CACNA1C: variants seen among roughly 807,000 people sequenced by gnomAD.
The protein encoded by CACNA1C is calcium voltage-gated channel subunit alpha1 C.
A neutral mutation model predicts 229.0 loss-of-function variants in CACNA1C; 30 were observed. The observed-to-expected ratio is 0.13, with a 90% CI of 0.10 to 0.18. The LOEUF (loss-of-function observed/expected upper bound fraction) is 0.18, where lower values mean the gene tolerates loss of function less well. Ranked by LOEUF, CACNA1C falls within the 10% of genes least tolerant of loss-of-function variation. The probability of loss-of-function intolerance (pLI) is 1.00; values close to 1 mark genes in which losing one functional copy is unlikely to be tolerated. For missense variants in CACNA1C, 1,658 were observed against 2,845.0 expected (o/e 0.58, Z 9.49); for synonymous variants, 1,114 against 1,132.5 (o/e 0.98, Z 0.33).
chr12:2,545,477 G>A (rs915011453), intron 9 of CACNA1C, among the ~76,000 whole-genome samples: 1 of 152,038 alleles, frequency 6.6e-6, no homozygotes, highest in Non-Finnish European at 1.5e-5. Flanking sequence ...CCACTGTGCC[G>A]TACGTTCGTT....
In CACNA1C at chr12:2,411,695, A is replaced by G. The variant is rs553385603; in HGVS notation, c.478-37281A>G. Among the ~76,000 whole-genome samples the G allele has an allele frequency of 9.2e-5, 14 of 152,244 alleles. 1 individual carries two copies. In the East Asian group the frequency reaches 2.5e-3, roughly 27 times the overall value. On this transcript the variant is annotated intron_variant, in intron 3 of 46. Transcript: ENST00000399655. Reference sequence around the variant, plus strand: ...AGGTTTCCAGGGCTTGCTGAAGGGAATCCAATAAGAAGAAGATTTCAGATC... The same window carrying G: ...AGGTTTCCAGGGCTTGCTGAAGGGAGTCCAATAAGAAGAAGATTTCAGATC...
intron 5 of CACNA1C, among the ~76,000 whole-genome samples, chr12:2,484,607 C>T (rs560662477): frequency 4.6e-5 from 7 of 152,210 alleles, no homozygotes; most frequent in African/African-American, 1.4e-4. Flanking sequence ...CCATTGGAGG[C>T]GGTGGCACTG....
intron 10 of CACNA1C, among the ~76,000 whole-genome samples, chr12:2,555,846 T>C (rs1275447722): frequency 2.0e-5 from 3 of 152,190 alleles, no homozygotes; most frequent in Non-Finnish European, 4.4e-5. Context: ...GGCGTTTTCT[T>C]GCTCTGCGAC....
chr12:2,547,966 G>A (rs1229072176), intron 9 of CACNA1C, among the ~76,000 whole-genome samples: 1 of 152,134 alleles, frequency 6.6e-6, no homozygotes, highest in African/African-American at 2.4e-5. Context: ...CACACATAAG[G>A]CTCTGGGAAC....
chr12:2,683,495 A>G (rs4765970), intron 43 of CACNA1C, among the ~76,000 whole-genome samples: 22,650 of 152,192 alleles, frequency 0.15, 3,215 homozygotes, highest in African/African-American at 0.37. Flanking sequence ...TACTGTATAC[A>G]TGACTCACAA....
chr12:2,140,390 G>A (rs984886028), intron 3 of CACNA1C, among the ~76,000 whole-genome samples: 4 of 151,400 alleles, frequency 2.6e-5, no homozygotes, highest in African/African-American at 9.7e-5. Context: ...GAAGGCACTC[G>A]ATGAGTATTT....
At chr12:2,031,868 GGA>G (rs1272847284) in intron 1 of CACNA1C, among the ~76,000 whole-genome samples, 1 of 152,190 alleles carries the variant, frequency 6.6e-6, no homozygotes, top group East Asian at 1.9e-4. Flanking sequence ...CAGGATCTCA[GGA>G]GAGAGAGGGC....
chr12:2,128,794 A>G (rs1409719537), intron 3 of CACNA1C, among the ~76,000 whole-genome samples: 1 of 152,246 alleles, frequency 6.6e-6, no homozygotes, highest in Non-Finnish European at 1.5e-5. Flanking sequence ...CCATGTGCAG[A>G]TGCTGTCCTA....
intron 29 of CACNA1C, among the ~76,000 whole-genome samples, chr12:2,622,215 G>A (rs1287786908): frequency 7.2e-5 from 11 of 152,108 alleles, no homozygotes; most frequent in Non-Finnish European, 2.9e-5. Context: ...GCAGAGGGAG[G>A]CCAGAATGCT....
intron 3 of CACNA1C, among the ~76,000 whole-genome samples, chr12:2,230,846 G>C (rs1007656711): frequency 6.6e-6 from 1 of 152,186 alleles, no homozygotes; most frequent in Non-Finnish European, 1.5e-5. Flanking sequence ...CTTAAAGAAT[G>C]ATCTGGTGAG....
intron 3 of CACNA1C, among the ~76,000 whole-genome samples, chr12:2,213,874 C>T (rs183781070): frequency 1.1e-4 from 17 of 152,328 alleles, no homozygotes; most frequent in East Asian, 1.9e-4. Flanking sequence ...CATTTTTAAG[C>T]GGTAGCTGTA....
At chr12:2,581,530 A>C in intron 13 of CACNA1C, 60 bp from the exon 14 acceptor site, 1 of 1,444,694 alleles carries the variant, frequency 6.9e-7, no homozygotes, top group East Asian at 2.5e-5. Context: ...TGTGAGAATG[A>C]GGCACGATGG....
intron 3 of CACNA1C, among the ~76,000 whole-genome samples, chr12:2,371,732 T>G (rs558832470): frequency 1.3e-4 from 20 of 150,964 alleles, no homozygotes; most frequent in Admixed American, 1.3e-3. Context: ...GGCTTTTTTT[T>G]TTTTTTTTTT....
chr12:2,048,801 A>G (rs1006937071), upstream of CACNA1C, among the ~76,000 whole-genome samples: 1 of 152,162 alleles, frequency 6.6e-6, no homozygotes, highest in African/African-American at 2.4e-5. Flanking sequence ...TGCTAAGGGA[A>G]GAGGAAGAGC....
At position 2,067,048 on chromosome 12, in the gene CACNA1C, A is replaced by G. The variant is rs565175854; in HGVS notation, c.49+13437A>G. On this transcript the variant is annotated intron_variant, in intron 1 of 46. Coordinates refer to ENST00000399655, the MANE Select transcript of CACNA1C (RefSeq NM_000719.7). The surrounding 1 kb of genome is among the most constrained non-coding windows in gnomAD (Gnocchi z 5.3). ...CGGCCGAGGTCTGGAAGCATGAGTT[A>G]GGGGCCAGGAGTGATTGGCATTCCT... 2.2e-4 allele frequency among the ~76,000 whole-genome samples: 34 copies of G among 152,274 alleles called. No homozygotes were observed. Among genetic ancestry groups the G allele is most frequent in the African/African-American group, 7.5e-4 (31 of 41,562 alleles).
chr12:2,106,646 C>G (rs1294526648), intron 1 of CACNA1C, among the ~76,000 whole-genome samples: 2 of 77,792 alleles, frequency 2.6e-5, no homozygotes, highest in African/African-American at 8.3e-5. Flanking sequence ...GGCGCCCACC[C>G]CGGGGAGGGT....
chr12:2,053,505 T>C lies in CACNA1C; in HGVS notation c.-58T>C, dbSNP rs2052949053. The C allele has an allele frequency of 1.3e-6, 2 of 1,540,668 alleles. No individual in the cohort carries two copies. The highest frequency in any genetic ancestry group is 2.4e-5 in the South Asian group (2 of 82,158). ...GGATTAATCCAGACCCGCCGGGGGG[T>C]GTTTTCACATTTCTTCCTCTTCGTG... is the stretch of plus-strand genomic sequence containing the variant. On this transcript the variant is annotated 5_prime_UTR_variant, in exon 1 of 47. Coordinates refer to ENST00000399655, the MANE Select transcript of CACNA1C (RefSeq NM_000719.7). The surrounding 1 kb of genome is among the most constrained non-coding windows in gnomAD (Gnocchi z 5.8).
intron 4 of CACNA1C, among the ~76,000 whole-genome samples, chr12:2,452,796 C>T (rs893645712): frequency 3.3e-5 from 5 of 152,218 alleles, no homozygotes; most frequent in Non-Finnish European, 5.9e-5. Context: ...TCTTTTACTC[C>T]GATCAGCATA....
chr12:2,560,846 G>C (rs1262913593), intron 11 of CACNA1C, among the ~76,000 whole-genome samples: 1 of 51,246 alleles, frequency 2.0e-5, no homozygotes, highest in Admixed American at 3.1e-4. Flanking sequence ...TGTTGGTTCT[G>C]GTAAAAAAAA....
Sources: gnomAD v4.1 joint callset for allele counts (sites outside exome capture counted in the v4.1 genomes callset) on GRCh38, gnomAD v4.1.1 for gene constraint, Gnocchi (gnomAD v3.1) non-coding constraint, MANE v1.5 for transcripts, NCBI Gene and HGNC (gene_info 2026-07-23, HGNC 2026-07-21) for gene names.